The following RABGAP1L variants were observed in gnomAD, a reference collection of about 807,000 sequenced individuals.
The protein encoded by RABGAP1L is rab GTPase-activating protein 1-like.
A neutral mutation model predicts 137.7 loss-of-function variants in RABGAP1L; 63 were observed. That is an observed-to-expected ratio of 0.46 (90% CI 0.37 to 0.56). The LOEUF (loss-of-function observed/expected upper bound fraction) is 0.56, where lower values mean the gene tolerates loss of function less well. RABGAP1L is among the 20% of genes least tolerant of loss of function. The probability of loss-of-function intolerance (pLI) is 0.00; values close to 1 mark genes in which losing one functional copy is unlikely to be tolerated. For synonymous variants in RABGAP1L, 431 were observed against 433.7 expected (o/e 0.99, Z 0.08); for missense variants, 1,095 against 1,244.0 (o/e 0.88, Z 1.80).
At chr1:174,804,353 C>T (rs1004482339) in intron 18 of RABGAP1L, among the ~76,000 whole-genome samples, 3 of 150,552 alleles carry the variant, frequency 2.0e-5, no homozygotes, top group African/African-American at 7.3e-5. Context: ...TCACTGCAAC[C>T]TCCGCCTCCC....
chr1:174,518,807 G>A (rs752194503), intron 13 of RABGAP1L, among the ~76,000 whole-genome samples: 33 of 152,224 alleles, frequency 2.2e-4, no homozygotes, highest in Middle Eastern at 3.4e-3. Flanking sequence ...CACTTCCGGC[G>A]TACAAATGAT....
At chr1:174,386,603 G>T (rs1233246234) in intron 12 of RABGAP1L, among the ~76,000 whole-genome samples, 1 of 151,996 alleles carries the variant, frequency 6.6e-6, no homozygotes, top group Admixed American at 6.6e-5. Flanking sequence ...CACCTCCTGG[G>T]TTCAAGTGAT....
intron 18 of RABGAP1L, among the ~76,000 whole-genome samples, chr1:174,780,108 A>T (rs61828083): frequency 0.21 from 17,097 of 83,190 alleles, 1,123 homozygotes; most frequent in Non-Finnish European, 0.31. Flanking sequence ...ATAAATAAAT[A>T]AATAAATAAA....
intron 19 of RABGAP1L, among the ~76,000 whole-genome samples, chr1:174,943,506 T>TA (rs1468249929): frequency 6.6e-6 from 1 of 152,174 alleles, no homozygotes; most frequent in Non-Finnish European, 1.5e-5. Context: ...ACTTTGTAAA[T>TA]ACAGTATTTA....
intron 13 of RABGAP1L, among the ~76,000 whole-genome samples, chr1:174,414,817 T>C (rs115297659): frequency 0.023 from 3,495 of 152,120 alleles, 129 homozygotes; most frequent in African/African-American, 0.08. Context: ...GAAATAGAAG[T>C]GTAGTTGCTA....
At chr1:174,598,233 C>T (rs908113815) in intron 13 of RABGAP1L, among the ~76,000 whole-genome samples, 4 of 149,540 alleles carry the variant, frequency 2.7e-5, no homozygotes, top group Non-Finnish European at 5.9e-5. Context: ...GAGGCTGAGG[C>T]AGGGGAATCC....
chr1:174,208,137 A>C (rs761655932), intron 1 of RABGAP1L, among the ~76,000 whole-genome samples: 14 of 152,112 alleles, frequency 9.2e-5, no homozygotes, highest in Non-Finnish European at 1.8e-4. Flanking sequence ...TTCCCTTGCT[A>C]TTGTAAATGA....
chr1:174,216,780 AT>A (rs1169093713), intron 1 of RABGAP1L, among the ~76,000 whole-genome samples: 46 of 152,262 alleles, frequency 3.0e-4, no homozygotes, highest in African/African-American at 1.0e-3. Flanking sequence ...TGATTAAGGA[AT>A]TATAATGAGA....
intron 13 of RABGAP1L, among the ~76,000 whole-genome samples, chr1:174,437,421 T>C (rs1653520992): frequency 6.6e-6 from 1 of 152,078 alleles, no homozygotes; most frequent in Non-Finnish European, 1.5e-5. Context: ...ATGTGACGAA[T>C]GCACGAGCCT....
chr1:174,590,047 G>A (rs897076216), intron 13 of RABGAP1L, among the ~76,000 whole-genome samples: 3 of 149,324 alleles, frequency 2.0e-5, no homozygotes, highest in African/African-American at 7.4e-5. Context: ...ACATTGCTTT[G>A]GACATTTTAA....
intron 13 of RABGAP1L, among the ~76,000 whole-genome samples, chr1:174,622,207 G>A (rs1294020741): frequency 1.3e-5 from 2 of 152,168 alleles, no homozygotes; most frequent in East Asian, 3.9e-4. Flanking sequence ...GGAAAGAACA[G>A]GTGCTGGAGA....
intron 19 of RABGAP1L, among the ~76,000 whole-genome samples, chr1:174,862,106 G>A (rs919100202): frequency 3.9e-5 from 6 of 152,060 alleles, no homozygotes; most frequent in Non-Finnish European, 5.9e-5. Flanking sequence ...AATATTTCAC[G>A]TTAATGTTTG....
intron 13 of RABGAP1L, among the ~76,000 whole-genome samples, chr1:174,526,597 C>CT (rs1216785785): frequency 2.0e-5 from 3 of 152,054 alleles, no homozygotes; most frequent in African/African-American, 7.2e-5. Flanking sequence ...TCCATTTTCT[C>CT]TTAAGTTTTC....
At chr1:174,828,281 GTTTCCTCT>G (rs1265074311) in intron 19 of RABGAP1L, among the ~76,000 whole-genome samples, 1 of 147,868 alleles carries the variant, frequency 6.8e-6, no homozygotes, top group African/African-American at 2.5e-5. Context: ...GTCCCCTCTA[GTTTCCTCT>G]GCATGCGACC....
intron 13 of RABGAP1L, among the ~76,000 whole-genome samples, chr1:174,405,932 C>T (rs528278137): frequency 9.8e-4 from 149 of 151,914 alleles, no homozygotes; most frequent in Middle Eastern, 6.8e-3. Flanking sequence ...GAGCCAAGAT[C>T]ACGCCACTGC....
intron 20 of RABGAP1L, among the ~76,000 whole-genome samples, chr1:174,969,023 G>A (rs978848774): frequency 3.3e-5 from 5 of 152,104 alleles, no homozygotes; most frequent in African/African-American, 4.8e-5. Context: ...TGTTCTTTGT[G>A]GCACATTTTT....
chr1:174,508,912 A>G (rs1215479909), intron 13 of RABGAP1L, among the ~76,000 whole-genome samples: 3 of 152,202 alleles, frequency 2.0e-5, no homozygotes, highest in Non-Finnish European at 4.4e-5. Context: ...TAGAAATGAA[A>G]AAAAACCCAG....
intron 14 of RABGAP1L, among the ~76,000 whole-genome samples, chr1:174,649,909 G>A (rs1376799777): frequency 6.6e-6 from 1 of 152,072 alleles, no homozygotes; most frequent in Non-Finnish European, 1.5e-5. Flanking sequence ...CCTGTCTTGT[G>A]CCAGTTTTCA....
intron 10 of RABGAP1L, among the ~76,000 whole-genome samples, chr1:174,282,799 C>T (rs1675692431): frequency 6.6e-6 from 1 of 152,166 alleles, no homozygotes; most frequent in Non-Finnish European, 1.5e-5. Context: ...GGCTTGAGGT[C>T]ATCTTCCCAC....
Sources: gnomAD v4.1 joint callset for allele counts (sites outside exome capture counted in the v4.1 genomes callset) on GRCh38, gnomAD v4.1.1 for gene constraint, MANE v1.5 for transcripts, NCBI Gene and HGNC (gene_info 2026-07-23, HGNC 2026-07-21) for gene names.